Variants in RNF207 observed in about 807,000 individuals in gnomAD.
The protein encoded by RNF207 is OTTHUMG00000001089.
In RNF207, 72 loss-of-function variants were observed where a neutral mutation model predicts 79.0. That is an observed-to-expected ratio of 0.91 (90% CI 0.75 to 1.11). The LOEUF (loss-of-function observed/expected upper bound fraction) is 1.11. RNF207 is among the 50% of genes least tolerant of loss of function. RNF207 has a pLI of 0.00. For missense variants in RNF207, 936 were observed against 855.8 expected (o/e 1.09, Z -1.17); for synonymous variants, 348 against 366.2 (o/e 0.95, Z 0.57).
At chr1:6,212,108 A>T in intron 13 of RNF207, 55 bp downstream of exon 13, 1 of 1,552,632 alleles carries the variant, frequency 6.4e-7, no homozygotes. Context: ...ACTCCTCACC[A>T]AGGTACGCTC....
Position 6,207,652 on chromosome 1 carries a change from C to T in RNF207, c.324+141C>T. 1.1e-6 allele frequency: 1 copy of T among 935,738 alleles called. No homozygotes were observed. Among genetic ancestry groups the T allele is most frequent in the Non-Finnish European group, 1.7e-6 (1 of 598,076 alleles). 58.0% of individuals were successfully genotyped at this position (935,738 alleles called of 1,614,324 possible). On this transcript the variant is annotated intron_variant, in intron 3 of 17. Coordinates refer to ENST00000377939, the MANE Select transcript of RNF207 (RefSeq NM_207396.3). This position sits in a 1 kb window ranked among gnomAD's most constrained non-coding sequence, Gnocchi z 4.5. ...GCACCTCCCTAGGGCACCTTGGCCC[C>T]AAATGTGAACCCCATTATACCGGTG...
In RNF207 at chr1:6,209,355, G is replaced by A; in HGVS notation, c.627+12G>A. On this transcript the variant is annotated intron_variant, in intron 6 of 17. Transcript: ENST00000377939. ...AGCAGGCGGTGCTGGTGAGCGCAGG[G>A]GCCTGGCGCGCGGGGCCGCGCGGCG... 6.5e-7 allele frequency: 1 copy of A among 1,534,688 alleles called. No homozygotes were observed. The highest frequency in any genetic ancestry group is 8.7e-7 in the Non-Finnish European group (1 of 1,143,380).
intron 16 of RNF207, among the ~76,000 whole-genome samples, chr1:6,213,524 G>A (rs1668257642): frequency 6.6e-6 from 1 of 151,616 alleles, no homozygotes; most frequent in Admixed American, 6.6e-5. Flanking sequence ...ACAGGACCCT[G>A]TTCAGGGAAG....
intron 16 of RNF207, among the ~76,000 whole-genome samples, chr1:6,214,388 G>A (rs978083920): frequency 2.6e-5 from 4 of 151,510 alleles, no homozygotes; most frequent in Non-Finnish European, 4.4e-5. Flanking sequence ...ATGGTCTTCA[G>A]TTTTGGCATA....
chr1:6,214,630 CTT>C (rs144139448), intron 16 of RNF207, among the ~76,000 whole-genome samples: 62 of 70,660 alleles, frequency 8.8e-4, no homozygotes, highest in East Asian at 6.7e-3. Context: ...ATATTTCTTT[CTT>C]TTTTTTTTTT....
chr1:6,218,430 C>T (rs1180543804), intron 17 of RNF207, 61 bp downstream of exon 17: 10 of 1,277,062 alleles, frequency 7.8e-6, no homozygotes, highest in African/African-American at 3.0e-5. Flanking sequence ...GCCAACAGGA[C>T]GACAAAGGAA....
chr1:6,210,211 C>A lies in RNF207; in HGVS notation c.801-12C>A. 1 of 1,611,404 alleles carries A rather than the reference C, an allele frequency of 6.2e-7. No homozygotes were observed. ...CTGGCCCCCTGGAAACCAGGCAGCC[C>A]CCCTCCCCCAGCCAATACGAAGAGA... On this transcript the variant is annotated splice_polypyrimidine_tract_variant and intron_variant, in intron 8 of 17. Coordinates refer to ENST00000377939, the MANE Select transcript of RNF207 (RefSeq NM_207396.3).
Position 6,209,556 on chromosome 1 carries a change from G to C in RNF207, c.753+17G>C. On this transcript the variant is annotated intron_variant, in intron 7 of 17. Coordinates refer to ENST00000377939, the MANE Select transcript of RNF207 (RefSeq NM_207396.3). ...AGCATGCAGGTGAGGGGTGGGGGTT[G>C]GGGGATAAACGACCCAGCCGGGACC... 6.9e-7 allele frequency: 1 copy of C among 1,445,452 alleles called. No homozygotes were observed. Among genetic ancestry groups the C allele is most frequent in the Non-Finnish European group, 9.0e-7 (1 of 1,108,702 alleles). The allele number at this position is 1,445,452 out of a possible 1,614,324, so 89.5% of individuals were successfully genotyped here. A position where few individuals can be genotyped will look rare whatever the true frequency, so the allele number is the denominator to read the frequency against.
chr1:6,210,779 C>CAAAGA (rs1162611296), intron 10 of RNF207, 91 bp from the exon 11 acceptor site: 7 of 1,192,550 alleles, frequency 5.9e-6, no homozygotes, highest in East Asian at 2.5e-5. Context: ...AGTCAAGTGC[C>CAAAGA]AAAGACAGAC....
chr1:6,212,336 C>T lies in RNF207; in HGVS notation c.1402C>T (p.Leu468=), dbSNP rs758153073. The T allele has an allele frequency of 1.9e-6, 3 of 1,613,966 alleles. No individual in the cohort carries two copies. The highest frequency in any genetic ancestry group is 1.1e-5 in the South Asian group (1 of 91,062). ...CAAGGCGGAGATCATGGGAGACGTC[C>T]TGCACAAGTCCCTGCAACTGGACGT... ...LIKAEIMGDV[L]HKSLQLDVQI... is the part of the protein sequence containing the mutation. The change falls in exon 14 of 18, where the codon CTG becomes TTG. Residue 468 remains leucine, a synonymous_variant. Transcript: ENST00000377939.
intron 16 of RNF207, among the ~76,000 whole-genome samples, chr1:6,214,290 C>T (rs1668282956): frequency 6.6e-6 from 1 of 152,182 alleles, no homozygotes; most frequent in African/African-American, 2.4e-5. Context: ...CTTCTCTTTG[C>T]TCCCAGTGTT....
chr1:6,208,854 G>A (rs1477760591), intron 3 of RNF207, 27 bp from the exon 4 acceptor site: 2 of 1,517,738 alleles, frequency 1.3e-6, no homozygotes, highest in Non-Finnish European at 1.8e-6. Context: ...GGGCTCTGGC[G>A]CTCCTGAGCC....
chr1:6,211,860 T>C lies in RNF207; in HGVS notation c.1110-7T>C. The C allele has an allele frequency of 6.5e-7, 1 of 1,546,292 alleles. No individual in the cohort carries two copies. The highest frequency in any genetic ancestry group is 8.7e-7 in the Non-Finnish European group (1 of 1,145,264). Reference sequence around the variant, plus strand: ...CCCCCCTGCATCCACACTGGCTCTCTCCCCAGGCTGGCAGGGGGCTTAGGC... The same window carrying C: ...CCCCCCTGCATCCACACTGGCTCTCCCCCCAGGCTGGCAGGGGGCTTAGGC... On this transcript the variant is annotated splice_region_variant and splice_polypyrimidine_tract_variant and intron_variant, in intron 12 of 17. Transcript: ENST00000377939. This position sits in a 1 kb window ranked among gnomAD's most constrained non-coding sequence, Gnocchi z 4.2.
Position 6,207,405 on chromosome 1 carries a change from G to C in RNF207, c.218G>C (p.Ser73Thr), listed in dbSNP as rs1488366572. Residue 73 changes from serine to threonine, a missense_variant, in exon 3 of 18, where the codon AGC becomes ACC. By Grantham distance (58) the Ser-to-Thr change is moderately conservative. Transcript: ENST00000377939. This position sits in a 1 kb window ranked among gnomAD's most constrained non-coding sequence, Gnocchi z 4.5. Reference sequence around the variant, plus strand: ...CACCAGACGGTGCTGAAGGGTCCCAGCGGGCTCCCGCCGGTGGACCGGCTG... The same window carrying C: ...CACCAGACGGTGCTGAAGGGTCCCACCGGGCTCCCGCCGGTGGACCGGCTG... ...CQHQTVLKGP[S>T]GLPPVDRLLQ... The C allele has an allele frequency of 2.6e-6, 4 of 1,546,218 alleles. No homozygotes were observed.
At chr1:6,210,739 G>C in intron 10 of RNF207, 131 bp from the exon 11 acceptor site, 1 of 838,886 alleles carries the variant, frequency 1.2e-6, no homozygotes, top group Non-Finnish European at 1.9e-6. Context: ...GTGAGTCCCA[G>C]AAGAGGGCTG....
intron 8 of RNF207, 30 bp downstream of exon 8, chr1:6,210,000 C>T: frequency 6.4e-7 from 1 of 1,557,026 alleles, no homozygotes. Context: ...GCTTGCTTCC[C>T]TTACCCCTTG....
At chr1:6,210,193 C>T in intron 8 of RNF207, 30 bp from the exon 9 acceptor site, 2 of 1,595,196 alleles carry the variant, frequency 1.3e-6, no homozygotes, top group South Asian at 2.2e-5. Context: ...CTCCTGGCCC[C>T]CTGGAAACCA....
In RNF207 at chr1:6,206,585, C is replaced by A; in HGVS notation, c.50C>A (p.Ala17Asp). ...CTGGAGGGCCCGAGCTCCCTGGATG[C>A]CCCGAGCATCCACCCGCTGGTGTGC... The part of the protein sequence containing the change: ...GPLEGPSSLD[A>D]PSIHPLVCPL... Residue 17 changes from alanine to aspartate, a missense_variant, in exon 2 of 18, where the codon GCC becomes GAC. By Grantham distance (126) the Ala-to-Asp change is moderately radical. Transcript: ENST00000377939. The A allele has an allele frequency of 6.2e-7, 1 of 1,603,048 alleles. No homozygotes were observed. The highest frequency in any genetic ancestry group is 8.5e-7 in the Non-Finnish European group (1 of 1,179,302).
chr1:6,211,082 C>T lies in RNF207; in HGVS notation c.1073C>T (p.Pro358Leu), dbSNP rs772561752. 5.0e-6 allele frequency: 8 copies of T among 1,604,552 alleles called. No homozygotes were observed. The highest frequency in any genetic ancestry group is 6.8e-6 in the Non-Finnish European group (8 of 1,178,782). The change falls in exon 12 of 18, where the codon CCA becomes CTA. Residue 358 changes from proline to leucine, a missense_variant. By Grantham distance (98) the Pro-to-Leu change is moderately conservative. Transcript: ENST00000377939. This position sits in a 1 kb window ranked among gnomAD's most constrained non-coding sequence, Gnocchi z 4.2. ...RCLEPLLLLGPRRVAAAASGA... is the reference protein window; with the variant it reads ...RCLEPLLLLGLRRVAAAASGA... ...CTGGAGCCACTGCTGCTGCTGGGGC[C>T]ACGTCGGGTGGCAGCTGCTGCAAGT...
Sources: gnomAD v4.1 joint callset for allele counts (sites outside exome capture counted in the v4.1 genomes callset) on GRCh38, gnomAD v4.1.1 for gene constraint, Gnocchi (gnomAD v3.1) non-coding constraint, MANE v1.5 for transcripts, NCBI Gene and HGNC (gene_info 2026-07-23, HGNC 2026-07-21) for gene names.